INPP5D: variants seen among roughly 807,000 people sequenced by gnomAD.
The protein encoded by INPP5D is inositol polyphosphate-5-phosphatase D, also known as phosphatidylinositol 3,4,5-trisphosphate 5-phosphatase 1.
A neutral mutation model predicts 122.9 loss-of-function variants in INPP5D; 33 were observed. The observed-to-expected ratio is 0.27, with a 90% CI of 0.20 to 0.36. INPP5D has a LOEUF of 0.36. Ranked by LOEUF, INPP5D falls within the 10% of genes least tolerant of loss-of-function variation. The pLI is 1.00. For synonymous variants in INPP5D, 584 were observed against 576.2 expected (o/e 1.01, Z -0.19); for missense variants, 1,053 against 1,412.7 (o/e 0.75, Z 4.08).
intron 2 of INPP5D, among the ~76,000 whole-genome samples, chr2:233,094,076 G>A (rs1692062021): frequency 6.6e-6 from 1 of 151,994 alleles, no homozygotes; most frequent in South Asian, 2.1e-4. Context: ...GGGTCACAGA[G>A]CACTTAGAAT....
At chr2:233,133,661 G>A (rs1407415382) in intron 5 of INPP5D, among the ~76,000 whole-genome samples, 1 of 152,198 alleles carries the variant, frequency 6.6e-6, no homozygotes, top group Non-Finnish European at 1.5e-5. Flanking sequence ...TGGGTGTCCT[G>A]TGTTTTACCT....
In INPP5D at chr2:233,201,480, C is replaced by T. The variant is rs76475433; in HGVS notation, c.2976-2646C>T. Among the ~76,000 whole-genome samples, 253 of 152,324 alleles carry T rather than the reference C, an allele frequency of 1.7e-3. 6 individuals are homozygous for T. In the East Asian group the frequency reaches 0.046, roughly 27 times the overall value. ...TCTAACTCACTGCTCACCAAGGAGG[C>T]GCTTGGAGCCTGGAGCCCTGCAGCT... On this transcript the variant is annotated intron_variant, in intron 25 of 26. Transcript: ENST00000445964.
chr2:233,071,000 A>G (rs1691368718), intron 1 of INPP5D, among the ~76,000 whole-genome samples: 2 of 152,144 alleles, frequency 1.3e-5, no homozygotes, highest in Admixed American at 1.3e-4. Flanking sequence ...TAGGCTGGGC[A>G]CAGTGGCTCA....
At chr2:233,096,606 C>T (rs1191251892) in intron 2 of INPP5D, among the ~76,000 whole-genome samples, 1 of 151,556 alleles carries the variant, frequency 6.6e-6, no homozygotes, top group African/African-American at 2.4e-5. Flanking sequence ...GAGCCGAGAT[C>T]ACACCACTGC....
At chr2:233,129,224 T>A (rs1693250976) in intron 4 of INPP5D, among the ~76,000 whole-genome samples, 1 of 152,186 alleles carries the variant, frequency 6.6e-6, no homozygotes, top group South Asian at 2.1e-4. Flanking sequence ...TCCACACAGC[T>A]AATTAACATG....
intron 2 of INPP5D, among the ~76,000 whole-genome samples, chr2:233,109,225 C>T (rs1692545748): frequency 6.6e-6 from 1 of 152,232 alleles, no homozygotes; most frequent in African/African-American, 2.4e-5. Context: ...CCAGCTGAGA[C>T]ACTTGTGCTG....
chr2:233,186,688 T>C (rs1477018941), intron 21 of INPP5D, among the ~76,000 whole-genome samples: 36 of 11,340 alleles, frequency 3.2e-3, no homozygotes, highest in South Asian at 0.017. Flanking sequence ...CTCTTTCTTT[T>C]TTTTTTTTTT....
At chr2:233,174,791 C>CAAAAAA (rs34082998) in intron 17 of INPP5D, among the ~76,000 whole-genome samples, 1 of 96,870 alleles carries the variant, frequency 1.0e-5, no homozygotes, top group South Asian at 3.3e-4. Context: ...GACCCTGTCT[C>CAAAAAA]AAAAAAAAAA....
chr2:233,111,863 C>T (rs939637902), intron 2 of INPP5D, among the ~76,000 whole-genome samples: 1 of 152,062 alleles, frequency 6.6e-6, no homozygotes, highest in East Asian at 1.9e-4. Flanking sequence ...GAGTTTTAGA[C>T]CAGCCTGGGC....
intron 1 of INPP5D, among the ~76,000 whole-genome samples, chr2:233,061,932 C>T (rs1042055153): frequency 1.1e-4 from 16 of 152,258 alleles, no homozygotes; most frequent in African/African-American, 3.9e-4. Flanking sequence ...GAAACCAAGC[C>T]AGGCTCGCAG....
chr2:233,094,195 T>A (rs1162043977), intron 2 of INPP5D, among the ~76,000 whole-genome samples: 6 of 151,966 alleles, frequency 3.9e-5, no homozygotes, highest in African/African-American at 1.5e-4. Context: ...AATACATTCA[T>A]CAAATTGATT....
intron 1 of INPP5D, among the ~76,000 whole-genome samples, chr2:233,075,079 T>C (rs575407497): frequency 6.6e-6 from 1 of 152,342 alleles, no homozygotes; most frequent in South Asian, 2.1e-4. Context: ...AGAAGCACCT[T>C]CCTGCCTCTT....
At chr2:233,196,898 C>T (rs1695199413) in intron 24 of INPP5D, among the ~76,000 whole-genome samples, 1 of 152,168 alleles carries the variant, frequency 6.6e-6, no homozygotes, top group African/African-American at 2.4e-5. Context: ...TTCCCTGATC[C>T]ACTTCCAGCT....
intron 26 of INPP5D, chr2:233,204,922 A>G: frequency 1.2e-6 from 1 of 827,876 alleles, no homozygotes. Flanking sequence ...ATTTGAACCC[A>G]GGTCTGCCTG....
intron 2 of INPP5D, among the ~76,000 whole-genome samples, chr2:233,084,544 C>T (rs191630003): frequency 1.2e-3 from 187 of 152,292 alleles, no homozygotes; most frequent in Non-Finnish European, 2.0e-3. Context: ...TATCTCCGGG[C>T]GACATGGCTT....
rs1691727677 is a variant in INPP5D at position 233,082,889 on chromosome 2, G to A, written c.198+3491G>A. ...GCTAAGCTTTCTTCCTTCCAATCCA[G>A]AAGGTGTTTCCAAGCCTGTCTGGAG... On this transcript the variant is annotated intron_variant, in intron 2 of 26. Coordinates refer to ENST00000445964, the MANE Select transcript of INPP5D (RefSeq NM_001017915.3). The surrounding 1 kb of genome is among the most constrained non-coding windows in gnomAD (Gnocchi z 4.7). Among the ~76,000 whole-genome samples, 1 of 152,260 alleles carries A rather than the reference G, an allele frequency of 6.6e-6. No individual in the cohort carries two copies. Among genetic ancestry groups the A allele is most frequent in the Admixed American group, 6.5e-5 (1 of 15,290 alleles).
chr2:233,104,399 T>A (rs1226153535), intron 2 of INPP5D, among the ~76,000 whole-genome samples: 2 of 152,230 alleles, frequency 1.3e-5, no homozygotes, highest in South Asian at 4.1e-4. Flanking sequence ...TCATCTTCAA[T>A]GCTGAGGCTT....
intron 18 of INPP5D, among the ~76,000 whole-genome samples, chr2:233,180,425 C>T (rs953071332): frequency 2.6e-5 from 4 of 152,164 alleles, no homozygotes; most frequent in Non-Finnish European, 5.9e-5. Context: ...CCTCCACTGC[C>T]ACAGCAAACC....
At chr2:233,071,257 C>T (rs2106201559) in intron 1 of INPP5D, among the ~76,000 whole-genome samples, 1 of 152,102 alleles carries the variant, frequency 6.6e-6, no homozygotes, top group East Asian at 1.9e-4. Context: ...CCTCTCTACA[C>T]TCCAGCTTGG....
Sources: gnomAD v4.1 joint callset for allele counts (sites outside exome capture counted in the v4.1 genomes callset) on GRCh38, gnomAD v4.1.1 for gene constraint, Gnocchi (gnomAD v3.1) non-coding constraint, MANE v1.5 for transcripts, NCBI Gene and HGNC (gene_info 2026-07-23, HGNC 2026-07-21) for gene names.